CSNK2A2: variants seen among roughly 807,000 people sequenced by gnomAD.
CSNK2A2 encodes casein kinase II subunit alpha'.
In CSNK2A2, 8 loss-of-function variants were observed where a neutral mutation model predicts 54.0. The observed-to-expected ratio is 0.15, with a 90% CI of 0.09 to 0.27. CSNK2A2 has a LOEUF of 0.27. Ranked by LOEUF, CSNK2A2 falls within the 10% of genes least tolerant of loss-of-function variation. The pLI is 1.00. For missense variants in CSNK2A2, 242 were observed against 439.4 expected (o/e 0.55, Z 4.02); for synonymous variants, 141 against 153.9 (o/e 0.92, Z 0.62).
chr16:58,163,265 A>G (rs1961445318), intron 11 of CSNK2A2: 1 of 151,490 alleles, frequency 6.6e-6, no homozygotes, highest in Admixed American at 6.6e-5. Flanking sequence ...AAAAAAAAAA[A>G]AAAAAAAAAA....
chr16:58,158,181 G>A lies in CSNK2A2; in HGVS notation c.*190C>T, dbSNP rs778269541. On this transcript the variant is annotated 3_prime_UTR_variant, in exon 12 of 12. Transcript: ENST00000262506. ...AAAGGCAAGTGAGCCTTTTACATTC[G>A]GAAGTGAGGTTTGATATACGGTGGT... 2 of 152,638 alleles carry A rather than the reference G, an allele frequency of 1.3e-5. No individual in the cohort carries two copies. Among genetic ancestry groups the A allele is most frequent in the Non-Finnish European group, 1.5e-5 (1 of 68,066 alleles). 9.5% of individuals were successfully genotyped at this position (152,638 alleles called of 1,614,324 possible).
At chr16:58,163,062 A>G (rs1049539551) in intron 11 of CSNK2A2, 2 of 151,922 alleles carry the variant, frequency 1.3e-5, no homozygotes, top group Non-Finnish European at 2.9e-5. Flanking sequence ...GGAGAGAGAT[A>G]TTTTTTTCCA....
At chr16:58,166,315 A>C (rs1961561906) in intron 9 of CSNK2A2, among the ~76,000 whole-genome samples, 1 of 152,232 alleles carries the variant, frequency 6.6e-6, no homozygotes, top group Admixed American at 6.5e-5. Context: ...CATTAAAAAT[A>C]AGCTTTTGCT....
Position 58,183,245 on chromosome 16 carries a change from T to C in CSNK2A2, c.369+1015A>G, listed in dbSNP as rs141874685. Among the ~76,000 whole-genome samples, 491 of 151,704 alleles carry C rather than the reference T, an allele frequency of 3.2e-3. 4 individuals carry two copies. Among genetic ancestry groups the C allele is most frequent in the African/African-American group, 7.2e-3 (296 of 41,346 alleles). On this transcript the variant is annotated intron_variant, in intron 4 of 11. Coordinates refer to ENST00000262506, the MANE Select transcript of CSNK2A2 (RefSeq NM_001896.4). ...AAAAAAAATTAGCTGGGGGTAGTAG[T>C]GCATGCCTGTAATCTCAGCTACTTG... is the stretch of plus-strand genomic sequence containing the variant.
intron 4 of CSNK2A2, among the ~76,000 whole-genome samples, chr16:58,177,055 AC>A (rs751536793): frequency 1.6e-4 from 24 of 152,108 alleles, no homozygotes; most frequent in Non-Finnish European, 2.8e-4. Flanking sequence ...CCACTGAACA[AC>A]TCACTCAGTA....
intron 3 of CSNK2A2, among the ~76,000 whole-genome samples, chr16:58,186,208 C>G (rs900460547): frequency 6.6e-6 from 1 of 152,206 alleles, no homozygotes; most frequent in African/African-American, 2.4e-5. Flanking sequence ...TGGCTACAAA[C>G]TGAGCACTGA....
chr16:58,170,843 T>C (rs1012140662), intron 5 of CSNK2A2, among the ~76,000 whole-genome samples: 1 of 152,106 alleles, frequency 6.6e-6, no homozygotes, highest in African/African-American at 2.4e-5. Context: ...TTTTTTAATG[T>C]AAAAATTTGC....
At chr16:58,160,221 T>C (rs1390313640) in intron 11 of CSNK2A2, 1 of 152,216 alleles carries the variant, frequency 6.6e-6, no homozygotes, top group Non-Finnish European at 1.5e-5. Context: ...ACTGACAAAC[T>C]TTGGCTTCTT....
Position 58,167,706 on chromosome 16 carries a change from T to C in CSNK2A2, c.603A>G (p.Pro201=). Reference sequence around the variant, plus strand: ...TTACCTGATAGTCCACGAGGAGCTCTGGTCCCTTGAAGTACCTTGAGGCTA... The same window carrying C: ...TTACCTGATAGTCCACGAGGAGCTCCGGTCCCTTGAAGTACCTTGAGGCTA... The part of the protein sequence containing the change: ...VRVASRYFKG[P]ELLVDYQMYD... The change falls in exon 7 of 12, where the codon CCA becomes CCG. Residue 201 remains proline, a synonymous_variant. Coordinates refer to ENST00000262506, the MANE Select transcript of CSNK2A2 (RefSeq NM_001896.4). 1 of 1,613,944 alleles carries C rather than the reference T, an allele frequency of 6.2e-7. No homozygotes were observed. Among genetic ancestry groups the C allele is most frequent in the Non-Finnish European group, 8.5e-7 (1 of 1,179,786 alleles).
intron 4 of CSNK2A2, among the ~76,000 whole-genome samples, chr16:58,178,835 A>G (rs1411731432): frequency 6.6e-6 from 1 of 152,242 alleles, no homozygotes; most frequent in Non-Finnish European, 1.5e-5. Context: ...ACTTGGTATA[A>G]CAAATGATCA....
chr16:58,158,868 C>G (rs1961233125), intron 11 of CSNK2A2: 2 of 152,222 alleles, frequency 1.3e-5, no homozygotes, highest in Admixed American at 1.3e-4. Context: ...CCCCTGGAAA[C>G]AGCTAGCTGC....
chr16:58,183,354 G>A (rs2142438024), intron 4 of CSNK2A2, among the ~76,000 whole-genome samples: 1 of 151,068 alleles, frequency 6.6e-6, no homozygotes. Context: ...TCCTGCCTGG[G>A]TGACAAAAGC....
Position 58,197,717 on chromosome 16 carries a change from C to G in CSNK2A2, c.20G>C (p.Gly7Ala). Residue 7 changes from glycine to alanine, a missense_variant, in exon 1 of 12, where the codon GGC becomes GCC. By Grantham distance (60) the Gly-to-Ala change is moderately conservative. Coordinates refer to ENST00000262506, the MANE Select transcript of CSNK2A2 (RefSeq NM_001896.4). The surrounding 1 kb of genome is among the most constrained non-coding windows in gnomAD (Gnocchi z 4.0). MPGPAA[G>A]SRARVYAEVN... ...CTCGGCGTAGACCCGGGCCCTGCTG[C>G]CCGCGGCCGGGCCGGGCATGGCGGG... 6.7e-7 allele frequency: 1 copy of G among 1,486,954 alleles called. No individual in the cohort carries two copies. The highest frequency in any genetic ancestry group is 9.0e-7 in the Non-Finnish European group (1 of 1,114,904). The allele number at this position is 1,486,954 out of a possible 1,614,324, so 92.1% of individuals were successfully genotyped here.
chr16:58,189,848 G>T (rs1962284303), intron 2 of CSNK2A2, among the ~76,000 whole-genome samples: 2 of 152,178 alleles, frequency 1.3e-5, no homozygotes, highest in Admixed American at 1.3e-4. Flanking sequence ...GATCCCTTCA[G>T]CCTCAGTTTA....
chr16:58,160,160 GTTA>G (rs1168580603), intron 11 of CSNK2A2: 1 of 151,964 alleles, frequency 6.6e-6, no homozygotes, highest in East Asian at 1.9e-4. Flanking sequence ...CCACCTCGGG[GTTA>G]TTTTTTTCTA....
intron 3 of CSNK2A2, among the ~76,000 whole-genome samples, chr16:58,184,660 T>C (rs537610605): frequency 2.6e-5 from 4 of 152,364 alleles, no homozygotes; most frequent in East Asian, 1.9e-4. Context: ...AAGAGGAATG[T>C]ATTCTCCGAA....
At chr16:58,182,538 G>C (rs1359532640) in intron 4 of CSNK2A2, among the ~76,000 whole-genome samples, 5 of 140,122 alleles carry the variant, frequency 3.6e-5, no homozygotes, top group African/African-American at 1.4e-4. Context: ...CTAGGCGACA[G>C]AGCGAGGCTC....
At chr16:58,167,631 G>A (rs1374330473) in intron 7 of CSNK2A2, 54 bp downstream of exon 7, 1 of 1,353,696 alleles carries the variant, frequency 7.4e-7, no homozygotes, top group Non-Finnish European at 1.1e-6. Flanking sequence ...CAGCAAACCA[G>A]AAAAGCCCTA....
At chr16:58,178,684 G>GTACT in intron 4 of CSNK2A2, among the ~76,000 whole-genome samples, 1 of 152,260 alleles carries the variant, frequency 6.6e-6, no homozygotes, top group Admixed American at 6.5e-5. Context: ...TTGTTCTAAA[G>GTACT]TATCTTTATT....
Sources: gnomAD v4.1 joint callset for allele counts (sites outside exome capture counted in the v4.1 genomes callset) on GRCh38, gnomAD v4.1.1 for gene constraint, Gnocchi (gnomAD v3.1) non-coding constraint, MANE v1.5 for transcripts, NCBI Gene and HGNC (gene_info 2026-07-23, HGNC 2026-07-21) for gene names.